SMYD3: variants seen among roughly 807,000 people sequenced by gnomAD.
The protein encoded by SMYD3 is SET and MYND domain containing 3.
A neutral mutation model predicts 57.7 loss-of-function variants in SMYD3; 36 were observed. The ratio of observed to expected loss-of-function variants is 0.62; its 90% CI spans 0.48 to 0.82. SMYD3 has a LOEUF of 0.82. Among genes scored for constraint, SMYD3 ranks in the 40% least tolerant of loss-of-function variants. The pLI, the probability that SMYD3 is intolerant of heterozygous loss-of-function variation, is 0.00. For synonymous variants in SMYD3, 211 were observed against 195.0 expected (o/e 1.08, Z -0.68); for missense variants, 515 against 538.8 (o/e 0.96, Z 0.44).
intron 8 of SMYD3, among the ~76,000 whole-genome samples, chr1:245,913,300 G>A (rs1385249626): frequency 2.7e-5 from 4 of 150,904 alleles, no homozygotes; most frequent in Non-Finnish European, 5.9e-5. Flanking sequence ...CTCATAGGTG[G>A]GAATTGAACA....
intron 5 of SMYD3, among the ~76,000 whole-genome samples, chr1:246,076,635 T>A (rs1214743571): frequency 6.6e-6 from 1 of 151,640 alleles, no homozygotes; most frequent in African/African-American, 2.4e-5. Context: ...TCTTTCTGGC[T>A]CATTTATTTT....
At chr1:245,977,048 C>T (rs61839403) in intron 5 of SMYD3, among the ~76,000 whole-genome samples, 858 of 9,832 alleles carry the variant, frequency 0.087, 233 homozygotes, top group Middle Eastern at 0.2. Flanking sequence ...CCATCGTCTC[C>T]GGCCCAGGGA....
intron 5 of SMYD3, among the ~76,000 whole-genome samples, chr1:246,263,067 T>A (rs2064039649): frequency 6.6e-6 from 1 of 152,212 alleles, no homozygotes; most frequent in African/African-American, 2.4e-5. Flanking sequence ...CACATGGGAA[T>A]GGTCTTCCAA....
intron 1 of SMYD3, among the ~76,000 whole-genome samples, chr1:246,455,906 G>A (rs149747556): frequency 1.3e-4 from 20 of 152,250 alleles, no homozygotes; most frequent in South Asian, 6.2e-4. Context: ...AATGTTTATC[G>A]GTTGCATCAG....
intron 1 of SMYD3, among the ~76,000 whole-genome samples, chr1:246,468,231 C>T (rs1482242861): frequency 6.6e-6 from 1 of 150,450 alleles, no homozygotes; most frequent in Non-Finnish European, 1.5e-5. Flanking sequence ...GATGGTTTAA[C>T]ATAAGTAAAT....
At chr1:246,277,391 C>A (rs1008537566) in intron 5 of SMYD3, among the ~76,000 whole-genome samples, 2 of 152,176 alleles carry the variant, frequency 1.3e-5, no homozygotes, top group Non-Finnish European at 2.9e-5. Context: ...CAACTGCTGA[C>A]TGGAATGCAT....
At chr1:246,106,398 G>C (rs983273570) in intron 5 of SMYD3, among the ~76,000 whole-genome samples, 1 of 152,152 alleles carries the variant, frequency 6.6e-6, no homozygotes, top group African/African-American at 2.4e-5. Flanking sequence ...AATAAAGATA[G>C]TCCCAAAACT....
chr1:246,102,442 G>C (rs1212827293), intron 5 of SMYD3, among the ~76,000 whole-genome samples: 2 of 151,974 alleles, frequency 1.3e-5, no homozygotes, highest in Non-Finnish European at 2.9e-5. Flanking sequence ...TCCATTAAAG[G>C]GTAAACCCTT....
chr1:246,101,722 A>G (rs979093748), intron 5 of SMYD3, among the ~76,000 whole-genome samples: 1 of 152,328 alleles, frequency 6.6e-6, no homozygotes, highest in African/African-American at 2.4e-5. Flanking sequence ...TCAACACAAC[A>G]GTTCAAGGAA....
intron 5 of SMYD3, among the ~76,000 whole-genome samples, chr1:246,210,570 C>T (rs561828803): frequency 6.6e-6 from 1 of 151,796 alleles, no homozygotes. Context: ...ATTAGCTGGG[C>T]GTGGTTGCGG....
chr1:246,480,450 TCAAC>T (rs1469934728), intron 1 of SMYD3, among the ~76,000 whole-genome samples: 1 of 152,238 alleles, frequency 6.6e-6, no homozygotes, highest in Non-Finnish European at 1.5e-5. Flanking sequence ...CATGTACTCA[TCAAC>T]CAATTTCCAT....
At chr1:246,361,715 T>C (rs58283744) in intron 1 of SMYD3, among the ~76,000 whole-genome samples, 1,699 of 152,276 alleles carry the variant, frequency 0.011, 34 homozygotes, top group African/African-American at 0.039. Context: ...AAACATCGTA[T>C]GTTCTCACTC....
chr1:246,177,755 G>A (rs576062988), intron 5 of SMYD3, among the ~76,000 whole-genome samples: 5 of 152,314 alleles, frequency 3.3e-5, no homozygotes, highest in African/African-American at 1.2e-4. Context: ...ATAGAGCTAT[G>A]AGGACAGAGT....
Position 246,407,226 on chromosome 1 carries a change from T to C in SMYD3, c.165-52132A>G, listed in dbSNP as rs550118003. On this transcript the variant is annotated intron_variant, in intron 1 of 11. Transcript: ENST00000490107. ...AGGTCTAGATTGTAACTGCTGATTA[T>C]GTATAAGGAGCAATTCTCATATTGT... 3.7e-4 allele frequency among the ~76,000 whole-genome samples: 56 copies of C among 152,380 alleles called. 1 individual carries two copies. Among genetic ancestry groups the C allele is most frequent in the African/African-American group, 1.3e-3 (55 of 41,594 alleles).
chr1:245,822,281 G>A (rs1375668980), intron 10 of SMYD3, among the ~76,000 whole-genome samples: 5 of 150,664 alleles, frequency 3.3e-5, no homozygotes, highest in Non-Finnish European at 5.9e-5. Context: ...ATCATTCTCA[G>A]TAAACTATCG....
At chr1:245,917,853 C>A (rs183132352) in intron 7 of SMYD3, among the ~76,000 whole-genome samples, 1 of 152,098 alleles carries the variant, frequency 6.6e-6, no homozygotes, top group African/African-American at 2.4e-5. Context: ...TGAAGGGATG[C>A]AAAAAACTCC....
At chr1:246,159,454 C>T (rs1400891555) in intron 5 of SMYD3, among the ~76,000 whole-genome samples, 1 of 152,152 alleles carries the variant, frequency 6.6e-6, no homozygotes, top group African/African-American at 2.4e-5. Flanking sequence ...CCCCAGAAGC[C>T]CTGCCCATAA....
intron 5 of SMYD3, among the ~76,000 whole-genome samples, chr1:246,249,635 C>T (rs1393455935): frequency 6.6e-6 from 1 of 151,562 alleles, no homozygotes; most frequent in Non-Finnish European, 1.5e-5. Context: ...CATAGTAGTA[C>T]AGCCCAACAA....
At chr1:246,406,651 C>G (rs2066870542) in intron 1 of SMYD3, among the ~76,000 whole-genome samples, 1 of 152,166 alleles carries the variant, frequency 6.6e-6, no homozygotes, top group Non-Finnish European at 1.5e-5. Flanking sequence ...CACAACAATC[C>G]TACAAGGTAG....
Sources: allele counts gnomAD v4.1 joint callset (sites outside exome capture counted in the v4.1 genomes callset), GRCh38; gene constraint gnomAD v4.1.1; transcripts MANE v1.5; gene names NCBI Gene and HGNC (gene_info 2026-07-23, HGNC 2026-07-21).